ARNT: variants seen among roughly 807,000 people sequenced by gnomAD.
The protein encoded by ARNT is class E basic helix-loop-helix protein 2.
ARNT carries 30 observed loss-of-function variants against 105.0 expected under a neutral mutation model. The observed-to-expected ratio is 0.29, with a 90% confidence interval of 0.21 to 0.39. The LOEUF is 0.39. Among genes scored for constraint, ARNT ranks in the 10% least tolerant of loss-of-function variants. The pLI is 1.00. For synonymous variants in ARNT, 304 were observed against 344.0 expected (o/e 0.88, Z 1.29); for missense variants, 748 against 978.7 (o/e 0.76, Z 3.15).
At chr1:150,824,377 G>C (rs1249296215) in intron 13 of ARNT, among the ~76,000 whole-genome samples, 1 of 151,498 alleles carries the variant, frequency 6.6e-6, no homozygotes, top group Non-Finnish European at 1.5e-5. Flanking sequence ...TAAGTTTAAG[G>C]ACACAGAATA....
chr1:150,851,152 G>C (rs1392905633), intron 3 of ARNT, among the ~76,000 whole-genome samples: 3 of 150,746 alleles, frequency 2.0e-5, no homozygotes, highest in Non-Finnish European at 4.4e-5. Flanking sequence ...CGGGAGGTGG[G>C]GGGCAGCCCC....
At chr1:150,825,288 A>G (rs1657973929) in intron 13 of ARNT, among the ~76,000 whole-genome samples, 1 of 152,264 alleles carries the variant, frequency 6.6e-6, no homozygotes, top group Non-Finnish European at 1.5e-5. Flanking sequence ...AATACTACGT[A>G]TCAAATACTG....
intron 19 of ARNT, among the ~76,000 whole-genome samples, chr1:150,815,296 C>T (rs1655590689): frequency 6.6e-6 from 1 of 152,052 alleles, no homozygotes; most frequent in African/African-American, 2.4e-5. Context: ...TGCCTGTAAT[C>T]CCAGCACTTT....
chr1:150,844,080 A>G (rs587659582), intron 4 of ARNT, among the ~76,000 whole-genome samples: 1 of 152,328 alleles, frequency 6.6e-6, no homozygotes, highest in Admixed American at 6.5e-5. Flanking sequence ...AGATACTGCC[A>G]ATAATAACTG....
At chr1:150,844,651 A>C (rs950099665) in intron 4 of ARNT, among the ~76,000 whole-genome samples, 1 of 152,242 alleles carries the variant, frequency 6.6e-6, no homozygotes, top group African/African-American at 2.4e-5. Context: ...AAAAAGAAAT[A>C]ATTTATTGCC....
chr1:150,837,506 C>T lies in ARNT; in HGVS notation c.487-1013G>A, dbSNP rs965828266. Among the ~76,000 whole-genome samples, 3 of 152,294 alleles carry T rather than the reference C, an allele frequency of 2.0e-5. No individual in the cohort carries two copies. The East Asian group carries it at 5.8e-4, about 29-fold the overall frequency. On this transcript the variant is annotated intron_variant, in intron 6 of 21. Transcript: ENST00000358595. ...ACCTCTCTGCAGAATGTGACAATGT[C>T]GTCCATCTTATCCTTTAAATTTTAT...
At chr1:150,861,598 C>T (rs1665654686) in intron 1 of ARNT, among the ~76,000 whole-genome samples, 1 of 152,088 alleles carries the variant, frequency 6.6e-6, no homozygotes, top group African/African-American at 2.4e-5. Flanking sequence ...TCATTTGAGT[C>T]CAGAAGTTCA....
At chr1:150,852,832 T>G in intron 2 of ARNT, 26 bp from the exon 3 acceptor site, 1 of 1,613,692 alleles carries the variant, frequency 6.2e-7, no homozygotes, top group South Asian at 1.1e-5. Context: ...AATAAATACT[T>G]TAAGCCTGCT....
chr1:150,860,070 G>A (rs1027721953), intron 1 of ARNT, among the ~76,000 whole-genome samples: 3 of 150,976 alleles, frequency 2.0e-5, no homozygotes, highest in Non-Finnish European at 4.4e-5. Flanking sequence ...CAACTTGCTC[G>A]TCATTTCAAT....
intron 1 of ARNT, among the ~76,000 whole-genome samples, chr1:150,872,645 A>C (rs970251778): frequency 6.6e-6 from 1 of 152,206 alleles, no homozygotes; most frequent in Non-Finnish European, 1.5e-5. Flanking sequence ...AATGCATTAC[A>C]AATGACACAT....
In ARNT at chr1:150,850,429, G is replaced by A. The variant is rs587609348; in HGVS notation, c.182+2333C>T. On this transcript the variant is annotated intron_variant, in intron 3 of 21. Transcript: ENST00000358595. The stretch of plus-strand genomic sequence containing the variant: ...GCCGAGTGCCTGCGATTGCAGTCGC[G>A]CGCCGCCACGCCTGACTGGTTTTCG... 9.7e-4 allele frequency among the ~76,000 whole-genome samples: 147 copies of A among 152,320 alleles called. 1 individual carries two copies. The highest frequency in any genetic ancestry group is 3.4e-3 in the African/African-American group (143 of 41,572).
chr1:150,859,054 ATATTG>A (rs1474006980), intron 1 of ARNT, among the ~76,000 whole-genome samples: 10 of 150,762 alleles, frequency 6.6e-5, no homozygotes, highest in Non-Finnish European at 1.5e-4. Context: ...CAATATACTA[ATATTG>A]TATAGACTTA....
chr1:150,869,777 T>C (rs1667170777), intron 1 of ARNT, among the ~76,000 whole-genome samples: 1 of 152,000 alleles, frequency 6.6e-6, no homozygotes, highest in Non-Finnish European at 1.5e-5. Flanking sequence ...GGTCTCCAAC[T>C]CCTGGGCTTA....
At chr1:150,837,155 TC>T (rs1014309319) in intron 6 of ARNT, among the ~76,000 whole-genome samples, 3 of 152,112 alleles carry the variant, frequency 2.0e-5, no homozygotes, top group African/African-American at 7.2e-5. Context: ...TGACAAATAT[TC>T]CCACTTTCTC....
Position 150,809,800 on chromosome 1 carries a change from T to TC in ARNT, c.*2220dup, listed in dbSNP as rs1654405202. On this transcript the variant is annotated 3_prime_UTR_variant, in exon 22 of 22. Coordinates refer to ENST00000358595, the MANE Select transcript of ARNT (RefSeq NM_001668.4). Reference sequence around the variant, plus strand: ...CTAGTGGTTTTCAAGTCCCGACTCTTCCCCTCTCTCCCAAGAACCCAGGCA... The same window carrying TC: ...CTAGTGGTTTTCAAGTCCCGACTCTTCCCCCTCTCTCCCAAGAACCCAGGCA... The TC allele has an allele frequency of 9.1e-6, 2 of 220,520 alleles. No individual in the cohort carries two copies. The highest frequency in any genetic ancestry group is 2.2e-5 in the African/African-American group (1 of 44,520). The allele number at this position is 220,520 out of a possible 1,614,324, so 13.7% of individuals were successfully genotyped here. A position where few individuals can be genotyped will look rare whatever the true frequency, so the allele number is the denominator to read the frequency against.
intron 4 of ARNT, among the ~76,000 whole-genome samples, chr1:150,845,556 C>T (rs182186621): frequency 1.5e-4 from 23 of 151,422 alleles, no homozygotes; most frequent in African/African-American, 3.6e-4. Context: ...TACAGTGAGC[C>T]GAGATTACAC....
At position 150,869,274 on chromosome 1, in the gene ARNT, G is replaced by C. The variant is rs141880487; in HGVS notation, c.25+7269C>G. ...GGGCGGATCACAAGGTCAGGAGATC[G>C]AGGCCATCCTGGCTAACACAGTGAA... On this transcript the variant is annotated intron_variant, in intron 1 of 21. Coordinates refer to ENST00000358595, the MANE Select transcript of ARNT (RefSeq NM_001668.4). Among the ~76,000 whole-genome samples, 201 of 152,238 alleles carry C rather than the reference G, an allele frequency of 1.3e-3. 1 individual carries two copies. Among genetic ancestry groups the C allele is most frequent in the African/African-American group, 4.6e-3 (192 of 41,548 alleles).
chr1:150,837,929 C>CT (rs1336231085), intron 6 of ARNT, among the ~76,000 whole-genome samples: 3 of 152,002 alleles, frequency 2.0e-5, no homozygotes, highest in African/African-American at 2.4e-5. Flanking sequence ...GCCTCAAAAT[C>CT]TAACTATTCT....
chr1:150,834,087 C>A (rs587613147), intron 8 of ARNT, among the ~76,000 whole-genome samples: 1 of 152,160 alleles, frequency 6.6e-6, no homozygotes, highest in African/African-American at 2.4e-5. Context: ...GCGCACGCCA[C>A]CACGCCCGTC....
Sources: gnomAD v4.1 joint callset for allele counts (sites outside exome capture counted in the v4.1 genomes callset) on GRCh38, gnomAD v4.1.1 for gene constraint, MANE v1.5 for transcripts, NCBI Gene and HGNC (gene_info 2026-07-23, HGNC 2026-07-21) for gene names.